Variants in ZNF469 observed in about 807,000 individuals in gnomAD.
The protein encoded by ZNF469 is zinc finger protein 469.
A neutral mutation model predicts 1.0 loss-of-function variants in ZNF469; 1 was observed. The ratio of observed to expected loss-of-function variants is 1.00; its 90% CI spans 0.35 to 4.73. ZNF469 has a LOEUF of 4.73. Ranked by LOEUF, ZNF469 falls within the 30% of genes most tolerant of loss-of-function variation. The pLI is 0.16. For synonymous variants in ZNF469, 2,703 were observed against 2,363.4 expected, an observed-to-expected ratio of 1.14 and a Z score of -4.17; for missense variants, 6,100 against 5,356.3, an observed-to-expected ratio of 1.14 and a Z score of -4.33.
the ZNF469 span, among the ~76,000 whole-genome samples, chr16:88,111,018 G>A: frequency 6.6e-6 from 1 of 152,260 alleles, no homozygotes; most frequent in Non-Finnish European, 1.5e-5. Flanking sequence ...ACGGGCACTC[G>A]TGGCGCTTGC....
chr16:88,163,612 AGATGGATGGATGGATGGATGGATG>A, the ZNF469 span, among the ~76,000 whole-genome samples: 1 of 129,752 alleles, frequency 7.7e-6, no homozygotes, highest in Non-Finnish European at 1.6e-5. Context: ...GTGCATTGGT[AGATGGATGGATGGATGGATGGATG>A]GATGGATGGA....
At chr16:88,208,488 G>A in the ZNF469 span, among the ~76,000 whole-genome samples, 1 of 121,920 alleles carries the variant, frequency 8.2e-6, no homozygotes, top group Non-Finnish European at 1.7e-5. Flanking sequence ...GAGGGAGGGA[G>A]GGAGAGAAAG....
chr16:88,297,885 G>A, the ZNF469 span, among the ~76,000 whole-genome samples: 1 of 152,180 alleles, frequency 6.6e-6, no homozygotes, highest in Admixed American at 6.5e-5. Flanking sequence ...CACTACAGGT[G>A]CCGGTGTGGC....
the ZNF469 span, among the ~76,000 whole-genome samples, chr16:88,109,810 C>T: frequency 6.6e-6 from 1 of 151,552 alleles, no homozygotes; most frequent in African/African-American, 2.4e-5. Context: ...GTCTCTTCTC[C>T]GGGATCAGGA....
intron 1 of ZNF469, among the ~76,000 whole-genome samples, chr16:88,398,596 T>G (rs555546786): frequency 7.7e-6 from 1 of 129,218 alleles, no homozygotes; most frequent in Non-Finnish European, 1.6e-5. Context: ...GTGCCACAGA[T>G]GAAGGGGGCA....
chr16:88,394,174 G>C (rs879694474), intron 1 of ZNF469, among the ~76,000 whole-genome samples: 19,377 of 135,590 alleles, frequency 0.14, 6,536 homozygotes, highest in Non-Finnish European at 0.18. Flanking sequence ...GGGTTTGACA[G>C]GTCTACACCT....
the ZNF469 span, among the ~76,000 whole-genome samples, chr16:88,356,341 T>C: frequency 6.6e-6 from 1 of 152,148 alleles, no homozygotes; most frequent in Non-Finnish European, 1.5e-5. Context: ...CTTGAAGCCC[T>C]AGCGGGCTTC....
Position 88,438,891 on chromosome 16 carries a change from C to A in ZNF469, c.11421C>A (p.Pro3807=). 1 of 1,550,496 alleles carries A rather than the reference C, an allele frequency of 6.4e-7. No homozygotes were observed. The highest frequency in any genetic ancestry group is 2.4e-5 in the East Asian group (1 of 40,918). ...AGGGGCCCCACGGGAGCCTAGGTCC[C>A]AAGGAGAAGGGAGAGAGCAGTACGA... ...GEQGPHGSLG[P]KEKGESSTKR... The change falls in exon 3 of 3, where the codon CCC becomes CCA. Residue 3807 remains proline, a synonymous_variant. Coordinates refer to ENST00000565624, the MANE Select transcript of ZNF469 (RefSeq NM_001367624.2).
At chr16:88,187,447 A>G in the ZNF469 span, among the ~76,000 whole-genome samples, 5 of 152,222 alleles carry the variant, frequency 3.3e-5, no homozygotes, top group African/African-American at 9.6e-5. Context: ...TAAACGCAAC[A>G]TCTCACAGGC....
At chr16:88,420,261 C>T (rs1301524072) in intron 1 of ZNF469, among the ~76,000 whole-genome samples, 1 of 152,228 alleles carries the variant, frequency 6.6e-6, no homozygotes, top group Non-Finnish European at 1.5e-5. Context: ...CGGGCCAGCC[C>T]TGACGACAGC....
the ZNF469 span, among the ~76,000 whole-genome samples, chr16:88,267,498 C>T: frequency 0.016 from 2,494 of 152,276 alleles, 85 homozygotes; most frequent in African/African-American, 0.057. Context: ...TGGTCCACCA[C>T]GGACACAGAG....
chr16:88,181,813 G>A, the ZNF469 span, among the ~76,000 whole-genome samples: 1 of 152,188 alleles, frequency 6.6e-6, no homozygotes, highest in Admixed American at 6.5e-5. Context: ...GATCGAAGCA[G>A]AAAGACTGGA....
chr16:88,346,040 G>C, the ZNF469 span, among the ~76,000 whole-genome samples: 2 of 152,230 alleles, frequency 1.3e-5, no homozygotes, highest in African/African-American at 4.8e-5. Flanking sequence ...GACCGGGTCA[G>C]GCTGTGAGCA....
the ZNF469 span, among the ~76,000 whole-genome samples, chr16:88,154,779 C>T: frequency 2.0e-5 from 3 of 152,288 alleles, no homozygotes; most frequent in Non-Finnish European, 2.9e-5. Flanking sequence ...CCCGTGCCAT[C>T]GAGGGGACGG....
the ZNF469 span, among the ~76,000 whole-genome samples, chr16:88,235,227 T>C: frequency 8.3e-4 from 127 of 152,322 alleles, 2 homozygotes; most frequent in African/African-American, 2.9e-3. Context: ...GGTCTCTCCT[T>C]GGTCCCTGGC....
At position 88,431,535 on chromosome 16, in the gene ZNF469, C is replaced by T. The variant is rs750626241; in HGVS notation, c.4065C>T (p.Asp1355=). 69 of 1,550,328 alleles carry T rather than the reference C, an allele frequency of 4.5e-5. No individual in the cohort carries two copies. In the African/African-American group the frequency reaches 7.4e-4, roughly 17 times the overall value. The change falls in exon 3 of 3, where the codon GAC becomes GAT. Residue 1355 remains aspartate (D), a synonymous_variant. Coordinates refer to ENST00000565624, the MANE Select transcript of ZNF469 (RefSeq NM_001367624.2). ...LSSKISSFGC[D]PAGFNRDPLG... ...CAAAGATCTCCAGTTTTGGCTGTGA[C>T]CCTGCTGGTTTTAACAGAGACCCCT...
the ZNF469 span, among the ~76,000 whole-genome samples, chr16:88,309,771 G>T: frequency 6.6e-6 from 1 of 152,128 alleles, no homozygotes; most frequent in African/African-American, 2.4e-5. Flanking sequence ...CCCTCTCGGT[G>T]CCAGGGAGTG....
the ZNF469 span, among the ~76,000 whole-genome samples, chr16:88,239,193 C>G: frequency 3.9e-5 from 6 of 152,098 alleles, no homozygotes; most frequent in African/African-American, 1.4e-4. Flanking sequence ...ATCGGCTATT[C>G]TCTGGGGTTT....
the ZNF469 span, among the ~76,000 whole-genome samples, chr16:88,337,595 G>A: frequency 6.6e-6 from 1 of 152,150 alleles, no homozygotes; most frequent in East Asian, 1.9e-4. Flanking sequence ...TCTTTTTGAG[G>A]AAGTGCCAGG....
Sources: gnomAD v4.1 joint callset for allele counts (sites outside exome capture counted in the v4.1 genomes callset) on GRCh38, gnomAD v4.1.1 for gene constraint, MANE v1.5 for transcripts, NCBI Gene and HGNC (gene_info 2026-07-23, HGNC 2026-07-21) for gene names.